The following SLC5A12 variants were observed in gnomAD, a reference collection of about 807,000 sequenced individuals.
SLC5A12 encodes the protein sodium-coupled monocarboxylate transporter 2.
SLC5A12 carries 46 observed loss-of-function variants against 72.7 expected under a neutral mutation model. The ratio of observed to expected loss-of-function variants is 0.63; its 90% CI spans 0.50 to 0.81. The LOEUF is 0.81. Ranked by LOEUF, SLC5A12 falls within the 30% of genes least tolerant of loss-of-function variation. SLC5A12 has a pLI of 0.00. For synonymous variants in SLC5A12, 275 were observed against 264.4 expected (o/e 1.04, Z -0.39); for missense variants, 683 against 740.7 (o/e 0.92, Z 0.90).
At chr11:26,707,852 T>C (rs571386462) in intron 4 of SLC5A12, among the ~76,000 whole-genome samples, 1 of 152,036 alleles carries the variant, frequency 6.6e-6, no homozygotes, top group Non-Finnish European at 1.5e-5. Flanking sequence ...AAATATCTTA[T>C]AGTCTTCAGT....
At chr11:26,679,718 G>A (rs1320338142) in intron 12 of SLC5A12, among the ~76,000 whole-genome samples, 1 of 152,116 alleles carries the variant, frequency 6.6e-6, no homozygotes, top group East Asian at 1.9e-4. Flanking sequence ...AGAGTAGAAG[G>A]AAAACAATAG....
chr11:26,681,707 G>A (rs1259817995), intron 11 of SLC5A12, among the ~76,000 whole-genome samples: 2 of 152,088 alleles, frequency 1.3e-5, no homozygotes, highest in Non-Finnish European at 2.9e-5. Flanking sequence ...ATACTAGCAA[G>A]TGCATTTAAT....
At chr11:26,702,673 A>C (rs2133193952) in intron 6 of SLC5A12, among the ~76,000 whole-genome samples, 1 of 152,200 alleles carries the variant, frequency 6.6e-6, no homozygotes, top group South Asian at 2.1e-4. Flanking sequence ...ATCCTTCAGA[A>C]CAAGCAGACC....
chr11:26,703,739 T>C, intron 5 of SLC5A12, 54 bp downstream of exon 5: 1 of 1,612,682 alleles, frequency 6.2e-7, no homozygotes, highest in East Asian at 2.2e-5. Flanking sequence ...TTTTAGGTGA[T>C]AAGGTCATGT....
chr11:26,699,706 T>C (rs1365964751), intron 6 of SLC5A12, among the ~76,000 whole-genome samples: 1 of 152,230 alleles, frequency 6.6e-6, no homozygotes, highest in Non-Finnish European at 1.5e-5. Flanking sequence ...GCCTTTGCTC[T>C]GGCTGGCTAG....
chr11:26,691,536 G>T (rs1854673673), intron 9 of SLC5A12: 1 of 151,346 alleles, frequency 6.6e-6, no homozygotes, highest in Non-Finnish European at 1.5e-5. Flanking sequence ...ATTAAGCAAA[G>T]AAGCCATTTG....
At chr11:26,691,292 A>G (rs1413444124) in intron 9 of SLC5A12, among the ~76,000 whole-genome samples, 1 of 152,196 alleles carries the variant, frequency 6.6e-6, no homozygotes. Flanking sequence ...CACAAAATAT[A>G]TATCAACACT....
chr11:26,696,277 T>C (rs552544171), intron 8 of SLC5A12, among the ~76,000 whole-genome samples: 1 of 152,330 alleles, frequency 6.6e-6, no homozygotes, highest in East Asian at 1.9e-4. Flanking sequence ...GTGTCTGGTA[T>C]AATATAAGCC....
chr11:26,721,792 C>T lies in SLC5A12; in HGVS notation c.-78G>A. The T allele has an allele frequency of 8.0e-7, 1 of 1,245,568 alleles. No individual in the cohort carries two copies. 77.2% of individuals were successfully genotyped at this position (1,245,568 alleles called of 1,614,324 possible). A position where few individuals can be genotyped will look rare whatever the true frequency, so the allele number is the denominator to read the frequency against. On this transcript the variant is annotated 5_prime_UTR_variant, in exon 1 of 15. Coordinates refer to ENST00000396005, the MANE Select transcript of SLC5A12 (RefSeq NM_178498.4). ...ATGTTTCCAAAAGCAAAGTTCAGTA[C>T]AGTGGATGCTTTGCTGAGAGGAGAG...
At chr11:26,675,023 T>C (rs1854234147) in intron 13 of SLC5A12, among the ~76,000 whole-genome samples, 2 of 152,182 alleles carry the variant, frequency 1.3e-5, no homozygotes, top group African/African-American at 4.8e-5. Flanking sequence ...TGCCTTAATG[T>C]GTGCGTATGT....
In SLC5A12 at chr11:26,686,472, G is replaced by C. The variant is rs756622237; in HGVS notation, c.1221+5C>G. The stretch of plus-strand genomic sequence containing the variant: ...ACCAAATGTGTCTTTTCCTTCTTTC[G>C]TTACCTGCACAACACCTCCCATGAC... On this transcript the variant is annotated splice_donor_5th_base_variant and intron_variant, in intron 10 of 14. Transcript: ENST00000396005. 6.2e-7 allele frequency: 1 copy of C among 1,613,228 alleles called. No homozygotes were observed. Among genetic ancestry groups the C allele is most frequent in the Non-Finnish European group, 8.5e-7 (1 of 1,179,474 alleles).
At chr11:26,699,398 C>T (rs1249925494) in intron 6 of SLC5A12, among the ~76,000 whole-genome samples, 1 of 152,158 alleles carries the variant, frequency 6.6e-6, no homozygotes, top group African/African-American at 2.4e-5. Context: ...CCTCTAAAAC[C>T]TATACCGTAC....
chr11:26,681,720 T>C (rs140396434), intron 11 of SLC5A12, among the ~76,000 whole-genome samples: 290 of 152,222 alleles, frequency 1.9e-3, no homozygotes, highest in African/African-American at 6.6e-3. Context: ...CATTTAATGG[T>C]CTTGTCATTT....
rs567416087 is a variant in SLC5A12, at chr11:26,698,633, T to C, written c.822-98A>G. 5.2e-5 allele frequency: 60 copies of C among 1,159,780 alleles called. No homozygotes were observed. In the African/African-American group the frequency reaches 5.6e-4, roughly 11 times the overall value. 71.8% of individuals were successfully genotyped at this position (1,159,780 alleles called of 1,614,324 possible). A position where few individuals can be genotyped will look rare whatever the true frequency, so the allele number is the denominator to read the frequency against. ...CTCAAGGTAAAGGGTTTTGGGTCTT[T>C]TTGCTAGTAAAATAAAATTCTATAG... On this transcript the variant is annotated intron_variant, in intron 6 of 14. Transcript: ENST00000396005.
intron 9 of SLC5A12, among the ~76,000 whole-genome samples, chr11:26,690,582 C>T (rs1021907169): frequency 1.4e-5 from 2 of 147,824 alleles, no homozygotes; most frequent in East Asian, 3.9e-4. Context: ...AGGCCAAGGC[C>T]GGGGGATCAC....
intron 1 of SLC5A12, among the ~76,000 whole-genome samples, chr11:26,714,820 T>C (rs1055379927): frequency 1.4e-4 from 21 of 152,142 alleles, no homozygotes; most frequent in African/African-American, 5.1e-4. Flanking sequence ...CTAACTCACA[T>C]TCTCAATTTA....
chr11:26,678,382 T>G (rs906659844), intron 13 of SLC5A12, among the ~76,000 whole-genome samples: 1 of 151,432 alleles, frequency 6.6e-6, no homozygotes, highest in African/African-American at 2.4e-5. Flanking sequence ...TTGGTTGGGG[T>G]TTTTTTTGGT....
At chr11:26,676,850 T>C (rs1236806426) in intron 13 of SLC5A12, among the ~76,000 whole-genome samples, 1 of 152,056 alleles carries the variant, frequency 6.6e-6, no homozygotes, top group Non-Finnish European at 1.5e-5. Flanking sequence ...ATGAGTAACA[T>C]AAACAGCATA....
chr11:26,684,411 A>C (rs1854480903), intron 10 of SLC5A12, among the ~76,000 whole-genome samples: 1 of 152,132 alleles, frequency 6.6e-6, no homozygotes, highest in Non-Finnish European at 1.5e-5. Flanking sequence ...CTGAATTTGA[A>C]AGCTAATTTA....
Sources: gnomAD v4.1 joint callset for allele counts (sites outside exome capture counted in the v4.1 genomes callset) on GRCh38, gnomAD v4.1.1 for gene constraint, MANE v1.5 for transcripts, NCBI Gene and HGNC (gene_info 2026-07-23, HGNC 2026-07-21) for gene names.